The following KERA variants were observed in gnomAD, a reference collection of about 807,000 sequenced individuals.
KERA encodes the protein keratan sulfate proteoglycan keratocan.
Under a neutral mutation model 26.4 loss-of-function variants are expected in KERA, and 25 were observed. The ratio of observed to expected loss-of-function variants is 0.95; its 90% CI spans 0.69 to 1.32. The LOEUF (loss-of-function observed/expected upper bound fraction) is 1.32, where lower values mean the gene tolerates loss of function less well. KERA is among the 40% of genes most tolerant of loss of function. The pLI is 0.00. For synonymous variants in KERA, 167 were observed against 146.1 expected, an observed-to-expected ratio of 1.14 and a Z score of -1.03; for missense variants, 434 against 408.9, an observed-to-expected ratio of 1.06 and a Z score of -0.53.
Position 91,056,267 on chromosome 12 carries a change from G to T in KERA, c.15C>A (p.Ile5=). ...TGAATAACACCCACATGATGAAACAGATTGTGCCTGCCATTATAGCACCTA... is the reference window on the plus strand; with the variant it reads ...TGAATAACACCCACATGATGAAACATATTGTGCCTGCCATTATAGCACCTA... MAGT[I]CFIMWVLFIT... Residue 5 remains isoleucine (I), a synonymous_variant, in exon 2 of 3, where the codon ATC becomes ATA. Coordinates refer to ENST00000266719, the MANE Select transcript of KERA (RefSeq NM_007035.4). The T allele has an allele frequency of 6.2e-7, 1 of 1,608,938 alleles. No individual in the cohort carries two copies.
intron 2 of KERA, among the ~76,000 whole-genome samples, chr12:91,054,136 T>C (rs758341307): frequency 2.0e-5 from 3 of 151,268 alleles, no homozygotes; most frequent in Non-Finnish European, 4.4e-5. Flanking sequence ...CAGGCTGCCA[T>C]TTAATTCCTG....
intron 2 of KERA, among the ~76,000 whole-genome samples, chr12:91,054,532 A>C (rs968901500): frequency 6.6e-6 from 1 of 151,286 alleles, no homozygotes; most frequent in African/African-American, 2.4e-5. Flanking sequence ...CTCATGCATA[A>C]TTGTGAAGAA....
At position 91,050,532 on chromosome 12, in the gene KERA, T is replaced by C. The variant is rs1285065449; in HGVS notation, c.*814A>G. 1 of 151,896 alleles carries C rather than the reference T, an allele frequency of 6.6e-6. No homozygotes were observed. Among genetic ancestry groups the C allele is most frequent in the Non-Finnish European group, 1.5e-5 (1 of 67,714 alleles). 9.4% of individuals were successfully genotyped at this position (151,896 alleles called of 1,614,324 possible). A position where few individuals can be genotyped will look rare whatever the true frequency, so the allele number is the denominator to read the frequency against. On this transcript the variant is annotated 3_prime_UTR_variant, in exon 3 of 3. Transcript: ENST00000266719. Reference sequence around the variant, plus strand: ...TTCTTTAATGAAGCTTGCTAATTTCTTTGAAATATTCTGTTTTGTTAGAAA... The same window carrying C: ...TTCTTTAATGAAGCTTGCTAATTTCCTTGAAATATTCTGTTTTGTTAGAAA...
chr12:91,052,061 T>C (rs567263530), intron 2 of KERA, among the ~76,000 whole-genome samples: 4 of 151,570 alleles, frequency 2.6e-5, no homozygotes, highest in Non-Finnish European at 5.9e-5. Flanking sequence ...AAAAGTACAA[T>C]TAACATAACT....
In KERA at chr12:91,051,467, C is replaced by T. The variant is rs34009810; in HGVS notation, c.938G>A (p.Arg313Gln). Residue 313 changes from arginine (R) to glutamine (Q), a missense_variant, in exon 3 of 3, where the codon CGA becomes CAA. Coordinates refer to ENST00000266719, the MANE Select transcript of KERA (RefSeq NM_007035.4). ...ATGAGGTCCATAACTGAAGGAATCT[C>T]GTTCTGCAGGCAGCATGGATGGGCT... ...CPSPSMLPAE[R>Q]DSFSYGPHLR... 943 of 1,610,866 alleles carry T rather than the reference C, an allele frequency of 5.9e-4. 5 individuals are homozygous for T. The African/African-American group carries it at 0.01, about 18-fold the overall frequency.
At chr12:91,057,188 T>A (rs1370860686) in intron 1 of KERA, among the ~76,000 whole-genome samples, 2 of 150,496 alleles carry the variant, frequency 1.3e-5, no homozygotes, top group African/African-American at 4.9e-5. Context: ...GTGGAGAATT[T>A]CTTTATATTC....
rs1241397219 is a variant in KERA at position 91,055,620 on chromosome 12, T to C, written c.662A>G (p.Asp221Gly). The change falls in exon 2 of 3, where the codon GAC becomes GGC. Residue 221 changes from aspartate (D) to glycine (G), a missense_variant. Asp to Gly is a moderately conservative substitution (Grantham distance 94, BLOSUM62 -1). Transcript: ENST00000266719. ...LPANTMQLFL[D>G]NNSIEGIPEN... is the part of the protein sequence containing the mutation. ...TGGTATTCCTTCAATGGAATTGTTG[T>C]CTAAAAACAACTGCATTGTATTGGC... The C allele has an allele frequency of 6.2e-7, 1 of 1,611,138 alleles. No homozygotes were observed. The highest frequency in any genetic ancestry group is 2.2e-5 in the East Asian group (1 of 44,814).
Position 91,055,780 on chromosome 12 carries a change from G to C in KERA, c.502C>G (p.Leu168Val), listed in dbSNP as rs1035688652. 1.2e-6 allele frequency: 2 copies of C among 1,611,366 alleles called. No homozygotes were observed. The highest frequency in any genetic ancestry group is 1.1e-5 in the South Asian group (1 of 91,032). ...TTGTTCTGTAGGTCAAGAAGGGTCA[G>C]GTTCTCCAGATTGCTAAAGGTCCCT... ...PQGTFSNLENLTLLDLQNNKL... is the reference protein window; with the variant it reads ...PQGTFSNLENVTLLDLQNNKL... The change falls in exon 2 of 3, where the codon CTG (leucine) becomes GTG (valine). Residue 168 changes from leucine to valine, a missense_variant. Coordinates refer to ENST00000266719, the MANE Select transcript of KERA (RefSeq NM_007035.4).
rs1204545934 is a variant in KERA, at chr12:91,051,452, T to A, written c.953A>T (p.Tyr318Phe). 4 of 1,610,874 alleles carry A rather than the reference T, an allele frequency of 2.5e-6. No individual in the cohort carries two copies. The highest frequency in any genetic ancestry group is 3.4e-6 in the Non-Finnish European group (4 of 1,177,862). Residue 318 changes from tyrosine to phenylalanine, a missense_variant, in exon 3 of 3, where the codon TAT becomes TTT. Transcript: ENST00000266719. ...ACGGAGGTAGCGAAGATGAGGTCCA[T>A]AACTGAAGGAATCTCGTTCTGCAGG... ...MLPAERDSFS[Y>F]GPHLRYLRLD...
rs1184865174 is a variant in KERA at position 91,057,852 on chromosome 12, T to C, written c.-117A>G. On this transcript the variant is annotated 5_prime_UTR_variant, in exon 1 of 3. Coordinates refer to ENST00000266719, the MANE Select transcript of KERA (RefSeq NM_007035.4). Reference sequence around the variant, plus strand: ...TGACGAAAATAATTTGTTTTTACTTTAAGCTGTCAAGTCGTCTATGAGAAA... The same window carrying C: ...TGACGAAAATAATTTGTTTTTACTTCAAGCTGTCAAGTCGTCTATGAGAAA... The C allele has an allele frequency of 6.6e-6, 1 of 151,148 alleles. No individual in the cohort carries two copies. Among genetic ancestry groups the C allele is most frequent in the Non-Finnish European group, 1.5e-5 (1 of 67,426 alleles). The allele number at this position is 151,148 out of a possible 1,614,324, so 9.4% of individuals were successfully genotyped here. A position where few individuals can be genotyped will look rare whatever the true frequency, so the allele number is the denominator to read the frequency against.
chr12:91,055,997 G>C lies in KERA; in HGVS notation c.285C>G (p.Thr95=), dbSNP rs748011083. The C allele has an allele frequency of 6.2e-7, 1 of 1,610,504 alleles. No individual in the cohort carries two copies. The highest frequency in any genetic ancestry group is 8.5e-7 in the Non-Finnish European group (1 of 1,178,018). ...TIPEKPFENA[T]QLRWINLNKN... is the part of the protein sequence containing the mutation. ...TGTTTAGATTTATCCATCTTAGCTG[G>C]GTGGCATTCTCAAATGGCTTTTCAG... The change falls in exon 2 of 3, where the codon ACC becomes ACG. Residue 95 remains threonine, a synonymous_variant. Coordinates refer to ENST00000266719, the MANE Select transcript of KERA (RefSeq NM_007035.4).
In KERA at chr12:91,055,892, A is replaced by G. The variant is rs778810347; in HGVS notation, c.390T>C (p.Asp130=). 7 of 1,611,142 alleles carry G rather than the reference A, an allele frequency of 4.3e-6. No homozygotes were observed. In the Admixed American group the frequency reaches 1.0e-4, roughly 23 times the overall value. ...GAGAAGGTACCTCCTCTAGCTCATT[A>G]TCTTCCAGAAATAAGAAGAGCAACT... is the stretch of plus-strand genomic sequence containing the variant. ...LKKLLFLFLE[D]NELEEVPSPL... is the part of the protein sequence containing the mutation. Residue 130 remains aspartate, a synonymous_variant, in exon 2 of 3, where the codon GAT becomes GAC. Transcript: ENST00000266719.
intron 2 of KERA, among the ~76,000 whole-genome samples, chr12:91,054,661 T>A (rs913289266): frequency 6.6e-6 from 1 of 151,346 alleles, no homozygotes; most frequent in Non-Finnish European, 1.5e-5. Context: ...AAAGCTCTTT[T>A]CAGGAAAGGA....
intron 2 of KERA, among the ~76,000 whole-genome samples, chr12:91,054,645 T>C (rs990625189): frequency 7.3e-5 from 11 of 151,328 alleles, no homozygotes; most frequent in Non-Finnish European, 1.3e-4. Context: ...TCTCACTCCC[T>C]TATGAAAAGC....
intron 2 of KERA, among the ~76,000 whole-genome samples, chr12:91,054,119 A>T (rs970352631): frequency 1.3e-5 from 2 of 151,304 alleles, no homozygotes; most frequent in Non-Finnish European, 3.0e-5. Flanking sequence ...AATAACCGCT[A>T]TGATGGCAGG....
At position 91,051,455 on chromosome 12, in the gene KERA, C is replaced by A. The variant is rs1183517231; in HGVS notation, c.950G>T (p.Ser317Ile). The A allele has an allele frequency of 4.3e-6, 7 of 1,610,872 alleles. No individual in the cohort carries two copies. Among genetic ancestry groups the A allele is most frequent in the Admixed American group, 3.3e-5 (2 of 59,706 alleles). ...SMLPAERDSFSYGPHLRYLRL... is the reference protein window; with the variant it reads ...SMLPAERDSFIYGPHLRYLRL... ...GAGGTAGCGAAGATGAGGTCCATAACTGAAGGAATCTCGTTCTGCAGGCAG... is the reference window on the plus strand; with the variant it reads ...GAGGTAGCGAAGATGAGGTCCATAAATGAAGGAATCTCGTTCTGCAGGCAG... The change falls in exon 3 of 3, where the codon AGT (serine) becomes ATT (isoleucine). Residue 317 changes from serine to isoleucine, a missense_variant. Coordinates refer to ENST00000266719, the MANE Select transcript of KERA (RefSeq NM_007035.4).
chr12:91,056,507 T>C (rs921025653), intron 1 of KERA, among the ~76,000 whole-genome samples: 1 of 151,270 alleles, frequency 6.6e-6, no homozygotes, highest in African/African-American at 2.4e-5. Flanking sequence ...TGTAGCTTTC[T>C]GGTTGTAACC....
intron 2 of KERA, among the ~76,000 whole-genome samples, chr12:91,051,910 G>T (rs1195898901): frequency 6.6e-6 from 1 of 151,526 alleles, no homozygotes; most frequent in East Asian, 1.9e-4. Flanking sequence ...ATTTGGGACT[G>T]AAAGAATGGG....
At position 91,056,089 on chromosome 12, in the gene KERA, C is replaced by A; in HGVS notation, c.193G>T (p.Glu65Ter). The change falls in exon 2 of 3, where the codon GAA becomes TAA. Residue 65 changes from glutamate (E) to a stop codon, truncating the protein, a stop_gained. Transcript: ENST00000266719. LOFTEE classifies it high-confidence loss of function. ...ALYCENRGLK[E>*]IPAIPSRIWY... is the part of the protein sequence containing the mutation. ...ATTCTTGAAGGAATAGCAGGAATTT[C>A]TTTGAGACCTCTATTTTCACAATAT... 3.1e-6 allele frequency: 5 copies of A among 1,608,878 alleles called. No homozygotes were observed. Among genetic ancestry groups the A allele is most frequent in the Non-Finnish European group, 3.4e-6 (4 of 1,177,546 alleles).
Sources: allele counts gnomAD v4.1 joint callset (sites outside exome capture counted in the v4.1 genomes callset), GRCh38; gene constraint gnomAD v4.1.1; transcripts MANE v1.5; gene names NCBI Gene and HGNC (gene_info 2026-07-23, HGNC 2026-07-21).